Variants in CHSY3 observed in about 807,000 individuals in gnomAD.
CHSY3 encodes the protein chondroitin sulfate synthase 3.
In CHSY3, 35 loss-of-function variants were observed where a neutral mutation model predicts 67.2. The ratio of observed to expected loss-of-function variants is 0.52; its 90% CI spans 0.40 to 0.69. CHSY3 has a LOEUF of 0.69. CHSY3 is among the 30% of genes least tolerant of loss of function. CHSY3 has a pLI of 0.00. For missense variants in CHSY3, 1,069 were observed against 1,138.5 expected, an observed-to-expected ratio of 0.94 and a Z score of 0.88; for synonymous variants, 474 against 434.7, an observed-to-expected ratio of 1.09 and a Z score of -1.12.
chr5:130,051,175 G>A lies in CHSY3; in HGVS notation c.1087-133054G>A, dbSNP rs141736152. Among the ~76,000 whole-genome samples, 35 of 152,192 alleles carry A rather than the reference G, an allele frequency of 2.3e-4. 1 individual carries two copies. The East Asian group carries it at 6.8e-3, about 29-fold the overall frequency. On this transcript the variant is annotated intron_variant, in intron 2 of 2. Coordinates refer to ENST00000305031, the MANE Select transcript of CHSY3 (RefSeq NM_175856.5). ...TGTGGAAGGGAGTGGATGGAGATGA[G>A]GATGTGGTGGAGGTGGGCGTGCATG...
intron 2 of CHSY3, among the ~76,000 whole-genome samples, chr5:129,938,945 G>A (rs554411359): frequency 6.6e-6 from 1 of 152,148 alleles, no homozygotes; most frequent in Admixed American, 6.5e-5. Context: ...CCAATACTCT[G>A]GTACCAATTT....
chr5:130,067,936 T>C (rs1469408892), intron 2 of CHSY3, among the ~76,000 whole-genome samples: 2 of 152,172 alleles, frequency 1.3e-5, no homozygotes, highest in Non-Finnish European at 2.9e-5. Flanking sequence ...AGCCATAGTT[T>C]AGGTCTATGA....
chr5:129,936,363 C>G (rs1181857429), intron 2 of CHSY3, among the ~76,000 whole-genome samples: 1 of 151,670 alleles, frequency 6.6e-6, no homozygotes, highest in Non-Finnish European at 1.5e-5. Flanking sequence ...CTCACATAGC[C>G]TAAGAAACAG....
At chr5:130,029,699 T>G (rs1232581539) in intron 2 of CHSY3, among the ~76,000 whole-genome samples, 1 of 152,188 alleles carries the variant, frequency 6.6e-6, no homozygotes, top group Non-Finnish European at 1.5e-5. Flanking sequence ...TTTGTGAGGT[T>G]TTCATTTAAC....
At chr5:129,906,331 G>A (rs1760298367) in intron 1 of CHSY3, among the ~76,000 whole-genome samples, 1 of 152,092 alleles carries the variant, frequency 6.6e-6, no homozygotes, top group East Asian at 1.9e-4. Flanking sequence ...AAAACCCTGA[G>A]AGGATGGGCA....
At chr5:130,071,738 G>T (rs1188190464) in intron 2 of CHSY3, among the ~76,000 whole-genome samples, 3 of 151,950 alleles carry the variant, frequency 2.0e-5, no homozygotes, top group African/African-American at 4.8e-5. Flanking sequence ...TCAGAAGTGG[G>T]ACTGCTAATT....
chr5:129,969,893 A>C (rs1042447815), intron 2 of CHSY3, among the ~76,000 whole-genome samples: 2 of 151,880 alleles, frequency 1.3e-5, no homozygotes, highest in African/African-American at 4.8e-5. Context: ...TTTCAACCAA[A>C]ATACTAGTGA....
chr5:129,959,013 T>C (rs1762255477), intron 2 of CHSY3, among the ~76,000 whole-genome samples: 1 of 152,162 alleles, frequency 6.6e-6, no homozygotes, highest in South Asian at 2.1e-4. Context: ...CATAGCAAAC[T>C]CTACTATTCA....
At chr5:130,178,076 A>G (rs902284333) in intron 2 of CHSY3, among the ~76,000 whole-genome samples, 1 of 149,294 alleles carries the variant, frequency 6.7e-6, no homozygotes. Context: ...TATGTACTTG[A>G]TATGTGTGAT....
chr5:129,940,911 G>GT (rs1761676966), intron 2 of CHSY3, among the ~76,000 whole-genome samples: 1 of 152,086 alleles, frequency 6.6e-6, no homozygotes, highest in Admixed American at 6.6e-5. Context: ...ACGCATTGAA[G>GT]GTAGACTATG....
At chr5:130,165,775 A>G (rs757639284) in intron 2 of CHSY3, among the ~76,000 whole-genome samples, 13 of 152,082 alleles carry the variant, frequency 8.5e-5, no homozygotes, top group Non-Finnish European at 1.9e-4. Context: ...GTAGGTATGG[A>G]TCTAAATTTA....
intron 2 of CHSY3, among the ~76,000 whole-genome samples, chr5:130,067,917 A>G (rs1297918024): frequency 6.6e-6 from 1 of 152,206 alleles, no homozygotes; most frequent in Non-Finnish European, 1.5e-5. Context: ...TTTTACAAAA[A>G]TAAATCCAAG....
At chr5:130,136,284 C>T (rs1361115972) in intron 2 of CHSY3, among the ~76,000 whole-genome samples, 1 of 152,152 alleles carries the variant, frequency 6.6e-6, no homozygotes, top group East Asian at 1.9e-4. Context: ...GAATAAGTCA[C>T]TCCAAGGCAA....
chr5:129,992,467 T>A (rs2149631311), intron 2 of CHSY3, among the ~76,000 whole-genome samples: 1 of 152,308 alleles, frequency 6.6e-6, no homozygotes, highest in Non-Finnish European at 1.5e-5. Flanking sequence ...TGAATTAAAC[T>A]ACAAATACCA....
At chr5:130,038,524 G>A (rs1764921731) in intron 2 of CHSY3, among the ~76,000 whole-genome samples, 1 of 152,040 alleles carries the variant, frequency 6.6e-6, no homozygotes, top group Non-Finnish European at 1.5e-5. Flanking sequence ...TAGAGATTTT[G>A]CATGTGTAGA....
At chr5:129,982,358 A>G (rs1763045145) in intron 2 of CHSY3, among the ~76,000 whole-genome samples, 1 of 152,054 alleles carries the variant, frequency 6.6e-6, no homozygotes, top group Admixed American at 6.5e-5. Context: ...TTTCCTTATA[A>G]TTGCAAATTT....
intron 2 of CHSY3, among the ~76,000 whole-genome samples, chr5:130,024,020 T>G (rs1405214982): frequency 1.3e-5 from 2 of 151,548 alleles, no homozygotes; most frequent in Non-Finnish European, 2.9e-5. Flanking sequence ...CTTAAAGTTT[T>G]TAAACAGTTT....
intron 2 of CHSY3, among the ~76,000 whole-genome samples, chr5:129,943,984 G>A (rs1487751430): frequency 6.6e-6 from 1 of 152,200 alleles, no homozygotes; most frequent in Non-Finnish European, 1.5e-5. Context: ...ACTATTCCAT[G>A]CTGCTTCTCT....
chr5:129,983,782 T>A (rs1763091506), intron 2 of CHSY3, among the ~76,000 whole-genome samples: 1 of 152,070 alleles, frequency 6.6e-6, no homozygotes, highest in South Asian at 2.1e-4. Flanking sequence ...AAGCATTTAA[T>A]CCAGCTTCCA....
Sources: gnomAD v4.1 joint callset for allele counts (sites outside exome capture counted in the v4.1 genomes callset) on GRCh38, gnomAD v4.1.1 for gene constraint, MANE v1.5 for transcripts, NCBI Gene and HGNC (gene_info 2026-07-23, HGNC 2026-07-21) for gene names.